Variants in EPB41L1 observed in about 807,000 individuals in gnomAD.
The protein encoded by EPB41L1 is erythrocyte membrane protein band 4.1 like 1, also known as band 4.1-like protein 1.
Under a neutral mutation model 97.8 loss-of-function variants are expected in EPB41L1, and 29 were observed. That is an observed-to-expected ratio of 0.30 (90% CI 0.22 to 0.40). The LOEUF is 0.40. EPB41L1 is among the 10% of genes least tolerant of loss of function. The probability of loss-of-function intolerance (pLI) is 1.00; values close to 1 mark genes in which losing one functional copy is unlikely to be tolerated. For synonymous variants in EPB41L1, 383 were observed against 459.2 expected (o/e 0.83, Z 2.12); for missense variants, 812 against 1,162.3 (o/e 0.70, Z 4.38).
chr20:36,192,896 G>A (rs1161196639), intron 11 of EPB41L1, among the ~76,000 whole-genome samples: 4 of 152,208 alleles, frequency 2.6e-5, no homozygotes, highest in African/African-American at 4.8e-5. Flanking sequence ...AGGATACCTA[G>A]GAGTTTGCCA....
At chr20:36,135,402 C>T (rs544630859) in intron 2 of EPB41L1, among the ~76,000 whole-genome samples, 1 of 152,292 alleles carries the variant, frequency 6.6e-6, no homozygotes, top group African/African-American at 2.4e-5. Flanking sequence ...ACCACATGGG[C>T]CGAAGCAATA....
At chr20:36,111,348 C>T (rs905852167) in intron 1 of EPB41L1, among the ~76,000 whole-genome samples, 4 of 152,156 alleles carry the variant, frequency 2.6e-5, no homozygotes, top group African/African-American at 9.7e-5. Flanking sequence ...GTGTGTGAGT[C>T]CAGGGTGCCT....
intron 1 of EPB41L1, among the ~76,000 whole-genome samples, chr20:36,159,862 G>T (rs553846432): frequency 1.3e-5 from 2 of 152,358 alleles, no homozygotes; most frequent in African/African-American, 4.8e-5. Context: ...CAATTGGCAA[G>T]TTAATTAATC....
chr20:36,173,308 T>G (rs1393205702), intron 1 of EPB41L1, among the ~76,000 whole-genome samples: 1 of 152,244 alleles, frequency 6.6e-6, no homozygotes, highest in Non-Finnish European at 1.5e-5. Flanking sequence ...GTGTCCAGCT[T>G]CAGCACTGGA....
At chr20:36,107,603 G>A (rs1343636296) in intron 1 of EPB41L1, among the ~76,000 whole-genome samples, 2 of 151,582 alleles carry the variant, frequency 1.3e-5, no homozygotes, top group African/African-American at 4.8e-5. Context: ...GCCGAGGTGG[G>A]CAGATCACTT....
At position 36,144,176 on chromosome 20, in the gene EPB41L1, T is replaced by C. The variant is rs376108241; in HGVS notation, c.-9-31375T>C. Among the ~76,000 whole-genome samples, 3 of 152,268 alleles carry C rather than the reference T, an allele frequency of 2.0e-5. No individual in the cohort carries two copies. The South Asian group carries it at 6.2e-4, about 32-fold the overall frequency. Reference sequence around the variant, plus strand: ...CCCCCTAAAAGGTTTAGAACTGCGCTAGTCCAACCCCCTCATATTACAGGT... The same window carrying C: ...CCCCCTAAAAGGTTTAGAACTGCGCCAGTCCAACCCCCTCATATTACAGGT... On this transcript the variant is annotated intron_variant, in intron 2 of 19. Coordinates refer to the EPB41L1 transcript ENST00000202028.
chr20:36,181,803 T>C (rs1218024333), intron 5 of EPB41L1, among the ~76,000 whole-genome samples: 1 of 152,182 alleles, frequency 6.6e-6, no homozygotes, highest in East Asian at 1.9e-4. Context: ...TTTTTTCTTA[T>C]CATTAACATC....
At chr20:36,099,880 A>G (rs1380144078) in intron 1 of EPB41L1, among the ~76,000 whole-genome samples, 2 of 152,154 alleles carry the variant, frequency 1.3e-5, no homozygotes, top group Non-Finnish European at 1.5e-5. Flanking sequence ...GGCTCTGCAT[A>G]TGTTCCAGAG....
intron 17 of EPB41L1, among the ~76,000 whole-genome samples, chr20:36,217,168 C>G (rs1005346261): frequency 6.6e-6 from 1 of 152,158 alleles, no homozygotes; most frequent in Non-Finnish European, 1.5e-5. Context: ...GCAGTGAATT[C>G]CTTTCGAGAT....
intron 2 of EPB41L1, chr20:36,148,646 G>C (rs2059928970): frequency 6.6e-6 from 1 of 152,212 alleles, no homozygotes; most frequent in Admixed American, 6.5e-5. Flanking sequence ...TCCTCTTACT[G>C]TGCTCTGTGG....
At chr20:36,134,025 G>GA (rs1301836574) in intron 2 of EPB41L1, among the ~76,000 whole-genome samples, 1 of 152,200 alleles carries the variant, frequency 6.6e-6, no homozygotes, top group African/African-American at 2.4e-5. Flanking sequence ...CACCTGTCAT[G>GA]AAATGGCAGA....
At chr20:36,172,509 C>T (rs1219399942) in intron 1 of EPB41L1, among the ~76,000 whole-genome samples, 2 of 152,270 alleles carry the variant, frequency 1.3e-5, no homozygotes, top group African/African-American at 4.8e-5. Context: ...GCCTTACCAA[C>T]CTCTCTTAAC....
chr20:36,169,536 C>G (rs565937906), intron 1 of EPB41L1, among the ~76,000 whole-genome samples: 3 of 152,326 alleles, frequency 2.0e-5, no homozygotes, highest in South Asian at 2.1e-4. Context: ...CTCCCAAGCT[C>G]CAACCAGTTC....
rs2146127042 is a variant in EPB41L1 at position 36,182,209 on chromosome 20, G to A, written c.491-63G>A. On this transcript the variant is annotated intron_variant, in intron 5 of 21. Transcript: ENST00000338074. ...ACTTTGAAAAACTGCCCAGAGGATG[G>A]TGCATCTGGACCACCCAGTGGGGTG... 9.7e-6 allele frequency: 14 copies of A among 1,449,436 alleles called. No homozygotes were observed. In the South Asian group the frequency reaches 1.6e-4, roughly 17 times the overall value. 89.8% of individuals were successfully genotyped at this position (1,449,436 alleles called of 1,614,324 possible).
intron 2 of EPB41L1, 122 bp from the exon 3 acceptor site, chr20:36,175,429 G>A (rs2061185661): frequency 5.0e-6 from 6 of 1,191,998 alleles, no homozygotes; most frequent in East Asian, 2.4e-5. Context: ...GGTCTCAGAC[G>A]GTAGCGACTT....
At chr20:36,117,814 G>A (rs113570120) in intron 2 of EPB41L1, among the ~76,000 whole-genome samples, 1 of 152,190 alleles carries the variant, frequency 6.6e-6, no homozygotes, top group Non-Finnish European at 1.5e-5. Context: ...AGCCCAGTGT[G>A]GGGGAGGAGT....
chr20:36,213,423 A>G (rs2063255184), intron 16 of EPB41L1, among the ~76,000 whole-genome samples: 1 of 152,134 alleles, frequency 6.6e-6, no homozygotes, highest in Admixed American at 6.5e-5. Context: ...AACTGAAATA[A>G]GACATAAACC....
chr20:36,156,589 G>A (rs2060311196), intron 1 of EPB41L1, among the ~76,000 whole-genome samples: 1 of 152,170 alleles, frequency 6.6e-6, no homozygotes. Context: ...TCCCTGCTGC[G>A]GTGGTTGTGC....
chr20:36,220,780 G>A (rs2063734140), intron 19 of EPB41L1, among the ~76,000 whole-genome samples: 2 of 152,118 alleles, frequency 1.3e-5, no homozygotes, highest in Admixed American at 1.3e-4. Context: ...TAAGGACAAG[G>A]GCTAGTTGGG....
Sources: allele counts gnomAD v4.1 joint callset (sites outside exome capture counted in the v4.1 genomes callset), GRCh38; gene constraint gnomAD v4.1.1; transcripts MANE v1.5; gene names NCBI Gene and HGNC (gene_info 2026-07-23, HGNC 2026-07-21).